Variants in POLR2M observed in about 807,000 individuals in gnomAD.
The protein encoded by POLR2M is RNA polymerase II subunit M.
A neutral mutation model predicts 34.6 loss-of-function variants in POLR2M; 30 were observed. That is an observed-to-expected ratio of 0.87 (90% CI 0.65 to 1.18). POLR2M has a LOEUF of 1.18. Among genes scored for constraint, POLR2M ranks in the 50% most tolerant of loss-of-function variants. The pLI, the probability that POLR2M is intolerant of heterozygous loss-of-function variation, is 0.00. For synonymous variants in POLR2M, 150 were observed against 166.7 expected (o/e 0.90, Z 0.77); for missense variants, 432 against 448.7 (o/e 0.96, Z 0.34).
rs1195997614 is a variant in POLR2M, at chr15:57,706,806, G to A, written c.-37G>A. ...AGTAGCGGGGCCTGCCGAGGAAGCC[G>A]AGTGCCCGCCGCCGCGCCAGCCTCA... On this transcript the variant is annotated 5_prime_UTR_variant, in exon 1 of 4. Coordinates refer to ENST00000299638, the MANE Select transcript of POLR2M (RefSeq NM_015532.5). 1.3e-6 allele frequency: 2 copies of A among 1,540,680 alleles called. No homozygotes were observed. Among genetic ancestry groups the A allele is most frequent in the Non-Finnish European group, 1.8e-6 (2 of 1,139,034 alleles).
At chr15:57,707,291 A>G (rs935174968) in intron 1 of POLR2M, 13 of 780,310 alleles carry the variant, frequency 1.7e-5, no homozygotes, top group Non-Finnish European at 2.5e-5. Flanking sequence ...CCCCTAACCC[A>G]TAACAGATTG....
Position 57,706,854 on chromosome 15 carries a change from G to T in POLR2M, c.12G>T (p.Leu4=), listed in dbSNP as rs1346041446. Residue 4 remains leucine, a synonymous_variant, in exon 1 of 4, where the codon CTG becomes CTT. Coordinates refer to ENST00000299638, the MANE Select transcript of POLR2M (RefSeq NM_015532.5). ...TCAGCCCGCGCAGAATGTGCTCGCT[G>T]CCCCGCGGCTTCGAGCCCCAAGCTC... The part of the protein sequence containing the change: MCS[L]PRGFEPQAPE... 1 of 1,572,166 alleles carries T rather than the reference G, an allele frequency of 6.4e-7. No individual in the cohort carries two copies. The highest frequency in any genetic ancestry group is 8.6e-7 in the Non-Finnish European group (1 of 1,158,028).
intron 1 of POLR2M, chr15:57,707,263 AC>A (rs2040530005): frequency 1.9e-6 from 2 of 1,058,566 alleles, no homozygotes; most frequent in African/African-American, 3.2e-5. Context: ...TGCTTTCTAA[AC>A]CCTTTTGTCG....
In POLR2M at chr15:57,713,788, C is replaced by T. The variant is rs150169821; in HGVS notation, c.964-748C>T. On this transcript the variant is annotated intron_variant, in intron 3 of 3. Transcript: ENST00000299638. ...TTGTAATTAGGGAAGAAGGTCCTGT[C>T]AGTTGTAGAAATCTAGACAGCATTA... 8.9e-4 allele frequency among the ~76,000 whole-genome samples: 125 copies of T among 140,146 alleles called. 1 individual carries two copies. The East Asian group carries it at 0.023, about 26-fold the overall frequency. 91.9% of individuals were successfully genotyped at this position (140,146 alleles called of 152,430 possible). A position where few individuals can be genotyped will look rare whatever the true frequency, so the allele number is the denominator to read the frequency against.
rs2140842496 is a variant in POLR2M at position 57,714,846 on chromosome 15, G to A, written c.*167G>A. ...TTGTCTTTCAGAAGGTGACTTTCAT[G>A]TGCTTGAAAAGTTTAATATTTGAAT... On this transcript the variant is annotated 3_prime_UTR_variant, in exon 4 of 4. Transcript: ENST00000299638. 1 of 1,162,362 alleles carries A rather than the reference G, an allele frequency of 8.6e-7. No homozygotes were observed. The highest frequency in any genetic ancestry group is 1.2e-6 in the Non-Finnish European group (1 of 841,790). 72.0% of individuals were successfully genotyped at this position (1,162,362 alleles called of 1,614,324 possible). A position where few individuals can be genotyped will look rare whatever the true frequency, so the allele number is the denominator to read the frequency against.
intron 1 of POLR2M, chr15:57,707,550 C>T (rs2040544499): frequency 4.3e-6 from 2 of 463,530 alleles, no homozygotes; most frequent in Non-Finnish European, 8.6e-6. Context: ...TTCAGAGAGA[C>T]TTCCCACGAG....
chr15:57,712,146 A>G lies in POLR2M; in HGVS notation c.921A>G (p.Glu307=). ...HHMPTQLLSI[E]ESLALQKQQK... ...TGCCCACGCAGCTGCTCTCCATAGA[A>G]GAATCCTTGGCACTTCAGAAACAGC... Residue 307 remains glutamate (E), a synonymous_variant, in exon 3 of 4, where the codon GAA becomes GAG. Coordinates refer to ENST00000299638, the MANE Select transcript of POLR2M (RefSeq NM_015532.5). 1 of 1,614,220 alleles carries G rather than the reference A, an allele frequency of 6.2e-7. No homozygotes were observed. The highest frequency in any genetic ancestry group is 8.5e-7 in the Non-Finnish European group (1 of 1,180,044).
chr15:57,713,300 T>G (rs1305241162), intron 3 of POLR2M, among the ~76,000 whole-genome samples: 1 of 152,138 alleles, frequency 6.6e-6, no homozygotes, highest in Non-Finnish European at 1.5e-5. Flanking sequence ...AAAAAACCAT[T>G]TTTCTTTCAG....
At chr15:57,710,540 A>C (rs2040666298) in intron 2 of POLR2M, among the ~76,000 whole-genome samples, 1 of 152,226 alleles carries the variant, frequency 6.6e-6, no homozygotes, top group Non-Finnish European at 1.5e-5. Flanking sequence ...TCAGGATTAT[A>C]CTACATTAAC....
Position 57,715,710 on chromosome 15 carries a change from G to C in POLR2M, c.*1031G>C, listed in dbSNP as rs563054891. On this transcript the variant is annotated 3_prime_UTR_variant, in exon 4 of 4. Coordinates refer to ENST00000299638, the MANE Select transcript of POLR2M (RefSeq NM_015532.5). ...TGTCATTTTAGAGGATTATATGGTT[G>C]TCTCCAGAGAAATTAACTTACATTA... 1.3e-4 allele frequency: 20 copies of C among 152,246 alleles called. No individual in the cohort carries two copies. Among genetic ancestry groups the C allele is most frequent in the Middle Eastern group, 3.4e-3 (1 of 292 alleles). 9.4% of individuals were successfully genotyped at this position (152,246 alleles called of 1,614,324 possible). A position where few individuals can be genotyped will look rare whatever the true frequency, so the allele number is the denominator to read the frequency against.
chr15:57,708,583 C>A (rs1595981780), intron 1 of POLR2M, 131 bp from the exon 2 acceptor site: 2 of 799,860 alleles, frequency 2.5e-6, no homozygotes, highest in Non-Finnish European at 3.8e-6. Context: ...TGTTTTGGGG[C>A]AGTTAGAAAT....
chr15:57,709,074 T>C lies in POLR2M; in HGVS notation c.474T>C (p.Asn158=), dbSNP rs778055629. The change falls in exon 2 of 4, where the codon AAT becomes AAC. Residue 158 remains asparagine (N), a synonymous_variant. Transcript: ENST00000299638. ...YTVNKGPASS[N]RDRVPPSSEA... ...TGAATAAGGGCCCAGCTTCCAGCAATAGAGACAGGGTACCACCTTCATCTG... is the reference window on the plus strand; with the variant it reads ...TGAATAAGGGCCCAGCTTCCAGCAACAGAGACAGGGTACCACCTTCATCTG... 13 of 1,613,974 alleles carry C rather than the reference T, an allele frequency of 8.1e-6. No homozygotes were observed. Among genetic ancestry groups the C allele is most frequent in the South Asian group, 1.1e-5 (1 of 91,060 alleles).
At position 57,708,878 on chromosome 15, in the gene POLR2M, A is replaced by T. The variant is rs1236471903; in HGVS notation, c.278A>T (p.Asp93Val). Residue 93 changes from aspartate (D) to valine (V), a missense_variant, in exon 2 of 4, where the codon GAT (aspartate) becomes GTT (valine). Asp to Val is a radical substitution (Grantham distance 152). Coordinates refer to ENST00000299638, the MANE Select transcript of POLR2M (RefSeq NM_015532.5). ...AGGCAAAAAGCAATTGCAGAAGTTG[A>T]TGTGGGTACAGATAAGGCCCAGAAT... The part of the protein sequence containing the change: ...KLRQKAIAEV[D>V]VGTDKAQNSD... 6 of 1,613,932 alleles carry T rather than the reference A, an allele frequency of 3.7e-6. No homozygotes were observed. The highest frequency in any genetic ancestry group is 5.1e-6 in the Non-Finnish European group (6 of 1,179,930).
chr15:57,707,106 G>A, intron 1 of POLR2M, 151 bp downstream of exon 1: 1 of 1,546,178 alleles, frequency 6.5e-7, no homozygotes, highest in Non-Finnish European at 8.7e-7. Context: ...TGGACGGAGG[G>A]CTTGCTGCGG....
intron 2 of POLR2M, 29 bp downstream of exon 2, chr15:57,709,387 C>A: frequency 6.3e-7 from 1 of 1,582,552 alleles, no homozygotes; most frequent in Non-Finnish European, 8.6e-7. Flanking sequence ...AGGCCTGTAA[C>A]AGGAACGTGA....
At position 57,717,434 on chromosome 15, in the gene POLR2M, ACTAT is replaced by A. The variant is rs2040990759; in HGVS notation, c.*2757_*2760del. 1 of 152,212 alleles carries A rather than the reference ACTAT, an allele frequency of 6.6e-6. No homozygotes were observed. 9.4% of individuals were successfully genotyped at this position (152,212 alleles called of 1,614,324 possible). On this transcript the variant is annotated 3_prime_UTR_variant, in exon 4 of 4. Coordinates refer to ENST00000299638, the MANE Select transcript of POLR2M (RefSeq NM_015532.5). ...ACACTCACTGTTTCCCCCAGAGCTA[ACTAT>A]CCTGACGTATGGTAATTCTCCCTCT...
At chr15:57,710,940 A>G (rs1271288647) in intron 2 of POLR2M, among the ~76,000 whole-genome samples, 1 of 152,114 alleles carries the variant, frequency 6.6e-6, no homozygotes, top group African/African-American at 2.4e-5. Flanking sequence ...TTCTGGCTTC[A>G]TGTATCACCT....
intron 3 of POLR2M, among the ~76,000 whole-genome samples, chr15:57,713,154 A>G (rs2140835272): frequency 6.6e-6 from 1 of 150,968 alleles, no homozygotes; most frequent in East Asian, 1.9e-4. Context: ...CAGTCACACC[A>G]CTGCACTCTG....
In POLR2M at chr15:57,716,710, GCT is replaced by G. The variant is rs1280611522; in HGVS notation, c.*2034_*2035del. On this transcript the variant is annotated 3_prime_UTR_variant, in exon 4 of 4. Transcript: ENST00000299638. ...TTTCTGTTGCTTGCTTGGAGAATTT[GCT>G]CTTTTTTTGGCATATAAGTTCTTAA... 2 of 152,220 alleles carry G rather than the reference GCT, an allele frequency of 1.3e-5. No individual in the cohort carries two copies. The highest frequency in any genetic ancestry group is 4.8e-5 in the African/African-American group (2 of 41,452). 9.4% of individuals were successfully genotyped at this position (152,220 alleles called of 1,614,324 possible).
Sources: gnomAD v4.1 joint callset for allele counts (sites outside exome capture counted in the v4.1 genomes callset) on GRCh38, gnomAD v4.1.1 for gene constraint, MANE v1.5 for transcripts, NCBI Gene and HGNC (gene_info 2026-07-23, HGNC 2026-07-21) for gene names.